Variants in LIMD1 observed in about 807,000 individuals in gnomAD.
LIMD1 encodes the protein LIM domain-containing protein 1.
In LIMD1, 23 loss-of-function variants were observed where a neutral mutation model predicts 58.4. The ratio of observed to expected loss-of-function variants is 0.39; its 90% CI spans 0.28 to 0.56. LIMD1 has a LOEUF of 0.56. LIMD1 is among the 20% of genes least tolerant of loss of function. The pLI is 0.57. For synonymous variants in LIMD1, 334 were observed against 345.5 expected (o/e 0.97, Z 0.37); for missense variants, 838 against 855.5 (o/e 0.98, Z 0.25).
At chr3:45,600,030 T>C (rs1463944973) in intron 1 of LIMD1, among the ~76,000 whole-genome samples, 2 of 152,220 alleles carry the variant, frequency 1.3e-5, no homozygotes, top group Non-Finnish European at 2.9e-5. Context: ...CTGAGGAGGC[T>C]GGACAGCTGA....
intron 2 of LIMD1, among the ~76,000 whole-genome samples, chr3:45,650,690 T>C (rs1013621515): frequency 2.6e-5 from 4 of 152,180 alleles, no homozygotes; most frequent in Non-Finnish European, 5.9e-5. Flanking sequence ...GGCTGCATAG[T>C]ATTCCGTGGT....
intron 1 of LIMD1, among the ~76,000 whole-genome samples, chr3:45,634,798 C>T (rs1482452864): frequency 6.6e-6 from 1 of 152,174 alleles, no homozygotes; most frequent in Admixed American, 6.5e-5. Flanking sequence ...CTCTTAATTG[C>T]TGCTCCTGGG....
At chr3:45,661,108 C>T (rs2125667321) in intron 2 of LIMD1, among the ~76,000 whole-genome samples, 1 of 152,224 alleles carries the variant, frequency 6.6e-6, no homozygotes, top group East Asian at 1.9e-4. Context: ...AGAGTTGTGG[C>T]CTTCTATGTA....
chr3:45,671,636 C>T (rs1229034619), intron 4 of LIMD1, among the ~76,000 whole-genome samples: 2 of 152,140 alleles, frequency 1.3e-5, no homozygotes, highest in Non-Finnish European at 2.9e-5. Context: ...CGAGTTAAAC[C>T]AATGATCCTC....
rs138294198 is a variant in LIMD1 at position 45,622,897 on chromosome 3, A to G, written c.1409-13253A>G. ...TGGCCAGGCTGGTCTGGAACTCCTGACCTAAGGTGATGATCCCGCCTTGGC... is the reference window on the plus strand; with the variant it reads ...TGGCCAGGCTGGTCTGGAACTCCTGGCCTAAGGTGATGATCCCGCCTTGGC... On this transcript the variant is annotated intron_variant, in intron 1 of 7. Coordinates refer to ENST00000273317, the MANE Select transcript of LIMD1 (RefSeq NM_014240.3). Among the ~76,000 whole-genome samples the G allele has an allele frequency of 5.9e-5, 9 of 152,198 alleles. No homozygotes were observed. The East Asian group carries it at 1.2e-3, about 20-fold the overall frequency.
chr3:45,637,100 C>T (rs535636138), intron 2 of LIMD1, among the ~76,000 whole-genome samples: 2 of 152,274 alleles, frequency 1.3e-5, no homozygotes, highest in East Asian at 3.9e-4. Flanking sequence ...CATCTGGCCC[C>T]GTGGTTTGCA....
chr3:45,632,374 C>A, intron 1 of LIMD1: 2 of 226,724 alleles, frequency 8.8e-6, no homozygotes, highest in Non-Finnish European at 1.5e-5. Flanking sequence ...ATTATGTCAT[C>A]GCCAGTTCCC....
intron 1 of LIMD1, among the ~76,000 whole-genome samples, chr3:45,604,673 C>T (rs1701450180): frequency 6.6e-6 from 1 of 152,140 alleles, no homozygotes; most frequent in African/African-American, 2.4e-5. Flanking sequence ...TTGGTGGCTC[C>T]CAACGGATGT....
At chr3:45,634,323 G>T (rs1336361725) in intron 1 of LIMD1, among the ~76,000 whole-genome samples, 2 of 152,108 alleles carry the variant, frequency 1.3e-5, no homozygotes, top group African/African-American at 4.8e-5. Context: ...TAATGGGGGA[G>T]TTCTTTGGGA....
Position 45,594,995 on chromosome 3 carries a change from C to A in LIMD1, c.116C>A (p.Pro39His). The A allele has an allele frequency of 1.2e-6, 2 of 1,614,026 alleles. No homozygotes were observed. Among genetic ancestry groups the A allele is most frequent in the Non-Finnish European group, 1.7e-6 (2 of 1,180,038 alleles). The change falls in exon 1 of 8, where the codon CCC becomes CAC. Residue 39 changes from proline (P) to histidine (H), a missense_variant. By Grantham distance (77) the Pro-to-His change is moderately conservative. Around this residue, in one of 3 missense-constraint regions of LIMD1, gnomAD observed 659 missense variants for 639.8 expected, o/e 1.03. Transcript: ENST00000273317. ...FRVDKGAGNN[P>H]EFEETRRVFA... is the part of the protein sequence containing the mutation. Reference sequence around the variant, plus strand: ...GTGGACAAGGGTGCAGGCAACAACCCCGAGTTTGAGGAAACTCGCAGGGTG... The same window carrying A: ...GTGGACAAGGGTGCAGGCAACAACCACGAGTTTGAGGAAACTCGCAGGGTG...
intron 2 of LIMD1, among the ~76,000 whole-genome samples, chr3:45,652,649 A>G (rs1008234409): frequency 6.6e-6 from 1 of 152,236 alleles, no homozygotes; most frequent in African/African-American, 2.4e-5. Context: ...CTAGGGCTCT[A>G]TTATTCCTCA....
At chr3:45,635,534 TTTTTGTAAAAA>T (rs1344461303) in intron 1 of LIMD1, among the ~76,000 whole-genome samples, 3 of 151,986 alleles carry the variant, frequency 2.0e-5, no homozygotes, top group Non-Finnish European at 4.4e-5. Flanking sequence ...TGTGATATAC[TTTTTGTAAAAA>T]TTGAGGTTAC....
chr3:45,645,279 A>G (rs1701889400), intron 2 of LIMD1, among the ~76,000 whole-genome samples: 1 of 152,220 alleles, frequency 6.6e-6, no homozygotes, highest in African/African-American at 2.4e-5. Flanking sequence ...CTGGTTTCCC[A>G]GGTCAGACTC....
chr3:45,686,092 C>T lies in LIMD1; in HGVS notation c.*9033C>T, dbSNP rs1697805020. 1 of 152,206 alleles carries T rather than the reference C, an allele frequency of 6.6e-6. No homozygotes were observed. Among genetic ancestry groups the T allele is most frequent in the African/African-American group, 2.4e-5 (1 of 41,448 alleles). The allele number at this position is 152,206 out of a possible 1,614,324, so 9.4% of individuals were successfully genotyped here. On this transcript the variant is annotated 3_prime_UTR_variant, in exon 8 of 8. Coordinates refer to ENST00000273317, the MANE Select transcript of LIMD1 (RefSeq NM_014240.3). Reference sequence around the variant, plus strand: ...TTCGTCTGATTGATAACGCCCAAAGCCCCGGGTCTATCACCTTGTAATAGT... The same window carrying T: ...TTCGTCTGATTGATAACGCCCAAAGTCCCGGGTCTATCACCTTGTAATAGT...
intron 1 of LIMD1, among the ~76,000 whole-genome samples, chr3:45,624,212 G>A (rs1214853305): frequency 1.3e-5 from 2 of 152,144 alleles, no homozygotes; most frequent in African/African-American, 4.8e-5. Context: ...CCTGACCCTT[G>A]CCCCAACCCC....
intron 1 of LIMD1, chr3:45,632,638 G>A (rs749804036): frequency 6.8e-6 from 5 of 731,058 alleles, no homozygotes; most frequent in African/African-American, 5.7e-5. Flanking sequence ...GAGCACTTGC[G>A]GAGGCCACAG....
chr3:45,631,965 G>A (rs1701738558), intron 1 of LIMD1, among the ~76,000 whole-genome samples: 1 of 152,176 alleles, frequency 6.6e-6, no homozygotes, highest in Non-Finnish European at 1.5e-5. Context: ...ATGTGCTCAT[G>A]CTGTGGGTGG....
At chr3:45,648,860 A>G (rs550813768) in intron 2 of LIMD1, among the ~76,000 whole-genome samples, 2 of 152,122 alleles carry the variant, frequency 1.3e-5, no homozygotes, top group Non-Finnish European at 2.9e-5. Context: ...TTTATTGGCC[A>G]TTGGTATGTC....
At chr3:45,628,694 ACAAACG>A (rs574335843) in intron 1 of LIMD1, among the ~76,000 whole-genome samples, 72 of 152,392 alleles carry the variant, frequency 4.7e-4, no homozygotes, top group Non-Finnish European at 9.1e-4. Context: ...TATGTCCATT[ACAAACG>A]CTTGTACACA....
Sources: allele counts gnomAD v4.1 joint callset (sites outside exome capture counted in the v4.1 genomes callset), GRCh38; gene constraint gnomAD v4.1.1; regional missense constraint gnomAD v4.1.1; transcripts MANE v1.5; gene names NCBI Gene and HGNC (gene_info 2026-07-23, HGNC 2026-07-21).